ACBD6: variants seen among roughly 807,000 people sequenced by gnomAD.
The protein encoded by ACBD6 is acyl-CoA binding domain containing 6.
ACBD6 carries 28 observed loss-of-function variants against 37.2 expected under a neutral mutation model. The observed-to-expected ratio is 0.75, with a 90% CI of 0.56 to 1.03. The LOEUF (loss-of-function observed/expected upper bound fraction) is 1.03, where lower values mean the gene tolerates loss of function less well. Ranked by LOEUF, ACBD6 falls within the 50% of genes least tolerant of loss-of-function variation. The pLI, the probability that ACBD6 is intolerant of heterozygous loss-of-function variation, is 0.00. For synonymous variants in ACBD6, 113 were observed against 126.8 expected (o/e 0.89, Z 0.73); for missense variants, 340 against 337.4 (o/e 1.01, Z -0.06).
chr1:180,442,005 G>A (rs577463339), intron 3 of ACBD6, among the ~76,000 whole-genome samples: 1 of 152,246 alleles, frequency 6.6e-6, no homozygotes, highest in Non-Finnish European at 1.5e-5. Context: ...GTTAAGTAAA[G>A]TTTACCTTCA....
intron 3 of ACBD6, among the ~76,000 whole-genome samples, chr1:180,470,937 T>C (rs1004378839): frequency 6.6e-6 from 1 of 152,240 alleles, no homozygotes; most frequent in Non-Finnish European, 1.5e-5. Context: ...ATTTCTTTGA[T>C]GAAATAAATC....
chr1:180,423,726 T>C (rs1201103289), intron 4 of ACBD6, among the ~76,000 whole-genome samples: 2 of 152,212 alleles, frequency 1.3e-5, no homozygotes, highest in Admixed American at 1.3e-4. Context: ...CCTTAAAAGC[T>C]GCTTAACCTT....
intron 3 of ACBD6, among the ~76,000 whole-genome samples, chr1:180,464,119 A>C (rs1650256078): frequency 6.6e-6 from 1 of 152,202 alleles, no homozygotes; most frequent in Non-Finnish European, 1.5e-5. Flanking sequence ...CAAAAGCTGG[A>C]AGTGCTCCCC....
intron 3 of ACBD6, chr1:180,435,777 C>CT: frequency 2.3e-6 from 2 of 878,140 alleles, no homozygotes; most frequent in Non-Finnish European, 2.0e-6. Flanking sequence ...CAGATTGACT[C>CT]TGACAGCTGC....
At chr1:180,342,427 G>A (rs1571385123) in intron 6 of ACBD6, among the ~76,000 whole-genome samples, 2 of 152,048 alleles carry the variant, frequency 1.3e-5, no homozygotes, top group East Asian at 3.9e-4. Context: ...GTAGTGTTTA[G>A]GGACCCAAAT....
At chr1:180,439,437 C>A (rs1325106432) in intron 3 of ACBD6, among the ~76,000 whole-genome samples, 4 of 151,904 alleles carry the variant, frequency 2.6e-5, no homozygotes, top group South Asian at 2.1e-4. Flanking sequence ...AAAACAACAA[C>A]AAAATTAGCT....
chr1:180,479,339 C>T (rs1650932723), intron 3 of ACBD6, among the ~76,000 whole-genome samples: 1 of 152,096 alleles, frequency 6.6e-6, no homozygotes, highest in South Asian at 2.1e-4. Context: ...ATGTTATTTG[C>T]AGCAACATGG....
intron 3 of ACBD6, among the ~76,000 whole-genome samples, chr1:180,462,672 T>A (rs1452629529): frequency 6.6e-6 from 1 of 152,154 alleles, no homozygotes; most frequent in Non-Finnish European, 1.5e-5. Flanking sequence ...GATAGATCAC[T>A]GAGATGAAAA....
intron 6 of ACBD6, 112 bp downstream of exon 6, chr1:180,397,404 T>C (rs1378159919): frequency 1.1e-6 from 1 of 929,596 alleles, no homozygotes. Flanking sequence ...CATTGTGAAA[T>C]GTACTAAACG....
intron 6 of ACBD6, among the ~76,000 whole-genome samples, chr1:180,395,959 G>A (rs1571452189): frequency 6.6e-6 from 1 of 152,036 alleles, no homozygotes; most frequent in African/African-American, 2.4e-5. Flanking sequence ...AATAATATTC[G>A]GCTTTAAAAG....
At chr1:180,322,040 A>C (rs1446521003) in intron 6 of ACBD6, among the ~76,000 whole-genome samples, 1 of 152,008 alleles carries the variant, frequency 6.6e-6, no homozygotes, top group Non-Finnish European at 1.5e-5. Flanking sequence ...TGTTCCTTCT[A>C]TATCTAGCTT....
intron 9 of ACBD6, chr1:180,278,380 A>AGTT (rs1344135784): frequency 2.0e-5 from 3 of 152,098 alleles, no homozygotes; most frequent in African/African-American, 4.8e-5. Context: ...TTTTTGCAGT[A>AGTT]GTTGCTCCAA....
intron 6 of ACBD6, among the ~76,000 whole-genome samples, chr1:180,360,596 A>C (rs1652809175): frequency 6.6e-6 from 1 of 152,194 alleles, no homozygotes; most frequent in Non-Finnish European, 1.5e-5. Flanking sequence ...GGAATCTAAC[A>C]TTCGAGAACC....
chr1:180,428,242 G>C (rs1648673064), intron 4 of ACBD6, among the ~76,000 whole-genome samples: 1 of 151,996 alleles, frequency 6.6e-6, no homozygotes, highest in African/African-American at 2.4e-5. Flanking sequence ...TGCCCACAAA[G>C]GTTCATATTT....
intron 6 of ACBD6, among the ~76,000 whole-genome samples, chr1:180,375,244 G>T (rs1003185598): frequency 2.6e-5 from 4 of 152,166 alleles, no homozygotes; most frequent in African/African-American, 7.2e-5. Context: ...AAAAGAAGCA[G>T]TGGAAGAGGT....
chr1:180,399,520 G>A (rs1247637849), intron 5 of ACBD6, among the ~76,000 whole-genome samples: 1 of 152,042 alleles, frequency 6.6e-6, no homozygotes, highest in Non-Finnish European at 1.5e-5. Flanking sequence ...CACCTGCCTT[G>A]GCCTCCCAAA....
At position 180,314,268 on chromosome 1, in the gene ACBD6, G is replaced by A. The variant is rs147502114; in HGVS notation, c.694+424C>T. On this transcript the variant is annotated intron_variant, in intron 7 of 7. Coordinates refer to ENST00000367595, the MANE Select transcript of ACBD6 (RefSeq NM_032360.4). Reference sequence around the variant, plus strand: ...AGTTATTAATATTTTTTTTTGAGATGGAGTCTCACTATGTCACCCAGGCTG... The same window carrying A: ...AGTTATTAATATTTTTTTTTGAGATAGAGTCTCACTATGTCACCCAGGCTG... 4.3e-3 allele frequency among the ~76,000 whole-genome samples: 656 copies of A among 151,640 alleles called. 1 individual carries two copies. Among genetic ancestry groups the A allele is most frequent in the Non-Finnish European group, 7.6e-3 (516 of 67,842 alleles).
intron 4 of ACBD6, among the ~76,000 whole-genome samples, chr1:180,419,067 C>T (rs1413096974): frequency 1.3e-5 from 2 of 152,172 alleles, no homozygotes; most frequent in Non-Finnish European, 2.9e-5. Flanking sequence ...CTCGCTAACA[C>T]GGTGAAACCC....
chr1:180,487,539 C>T (rs963348348), intron 3 of ACBD6, among the ~76,000 whole-genome samples: 4 of 152,126 alleles, frequency 2.6e-5, no homozygotes, highest in Non-Finnish European at 5.9e-5. Flanking sequence ...GATCGACTGT[C>T]GACTGCTGCA....
Sources: gnomAD v4.1 joint callset for allele counts (sites outside exome capture counted in the v4.1 genomes callset) on GRCh38, gnomAD v4.1.1 for gene constraint, MANE v1.5 for transcripts, NCBI Gene and HGNC (gene_info 2026-07-23, HGNC 2026-07-21) for gene names.